Variants in RNF10 observed in about 807,000 individuals in gnomAD.
RNF10 encodes the protein E3 ubiquitin-protein ligase RNF10.
RNF10 carries 38 observed loss-of-function variants against 91.4 expected under a neutral mutation model. The observed-to-expected ratio is 0.42, with a 90% CI of 0.32 to 0.54. The LOEUF (loss-of-function observed/expected upper bound fraction) is 0.54. Among genes scored for constraint, RNF10 ranks in the 20% least tolerant of loss-of-function variants. The probability of loss-of-function intolerance (pLI) is 0.16; values close to 1 mark genes in which losing one functional copy is unlikely to be tolerated. For missense variants in RNF10, 945 were observed against 1,012.0 expected, an observed-to-expected ratio of 0.93 and a Z score of 0.90; for synonymous variants, 364 against 366.3, an observed-to-expected ratio of 0.99 and a Z score of 0.07.
chr12:120,536,428 A>C (rs1870810800), intron 1 of RNF10, among the ~76,000 whole-genome samples: 1 of 152,156 alleles, frequency 6.6e-6, no homozygotes, highest in South Asian at 2.1e-4. Context: ...CCATCTCTAA[A>C]CAGTAAAAAG....
At position 120,566,737 on chromosome 12, in the gene RNF10, G is replaced by A; in HGVS notation, c.1886-88G>A. ...AGATCGTACCACTACACTCCAGCCT[G>A]GGTGACAGAGTGAGACCCCATCTCA... On this transcript the variant is annotated intron_variant, in intron 12 of 16. Transcript: ENST00000325954. 2.4e-6 allele frequency: 3 copies of A among 1,224,512 alleles called. No individual in the cohort carries two copies. The South Asian group carries it at 3.9e-5, about 16-fold the overall frequency. 75.9% of individuals were successfully genotyped at this position (1,224,512 alleles called of 1,614,324 possible). A position where few individuals can be genotyped will look rare whatever the true frequency, so the allele number is the denominator to read the frequency against.
chr12:120,574,099 T>TG (rs906780569), intron 14 of RNF10, among the ~76,000 whole-genome samples: 3 of 152,170 alleles, frequency 2.0e-5, no homozygotes, highest in Non-Finnish European at 4.4e-5. Context: ...ACATGAGGCT[T>TG]GGGAGGGTCA....
At chr12:120,552,010 A>G (rs934698048) in intron 2 of RNF10, among the ~76,000 whole-genome samples, 6 of 148,392 alleles carry the variant, frequency 4.0e-5, no homozygotes, top group African/African-American at 1.3e-4. Context: ...GAAATGCTAC[A>G]TACTTTTTTT....
At chr12:120,556,399 C>T (rs1341934746) in intron 4 of RNF10, among the ~76,000 whole-genome samples, 1 of 150,908 alleles carries the variant, frequency 6.6e-6, no homozygotes, top group Non-Finnish European at 1.5e-5. Flanking sequence ...GGCGCAGTGG[C>T]GGGTACCTGT....
chr12:120,565,003 G>A (rs909600967), intron 10 of RNF10, 69 bp from the exon 11 acceptor site: 19 of 977,608 alleles, frequency 1.9e-5, no homozygotes, highest in South Asian at 1.2e-4. Flanking sequence ...GTTGGATATC[G>A]GGGTTAGGAC....
At chr12:120,559,853 G>A (rs1452975324) in intron 6 of RNF10, among the ~76,000 whole-genome samples, 1 of 151,336 alleles carries the variant, frequency 6.6e-6, no homozygotes, top group African/African-American at 2.4e-5. Flanking sequence ...CCGTCACCAC[G>A]CCCAGCTAAT....
chr12:120,556,953 C>T (rs1036439412), intron 4 of RNF10, among the ~76,000 whole-genome samples: 1 of 151,870 alleles, frequency 6.6e-6, no homozygotes, highest in Non-Finnish European at 1.5e-5. Context: ...GAGATCAAGA[C>T]CATCCTGGCT....
chr12:120,538,781 G>A (rs1871178564), intron 1 of RNF10, among the ~76,000 whole-genome samples: 1 of 152,152 alleles, frequency 6.6e-6, no homozygotes, highest in South Asian at 2.1e-4. Flanking sequence ...CAGGTATTAT[G>A]AGGCAGTTAT....
chr12:120,556,008 C>T (rs559584191), intron 4 of RNF10, among the ~76,000 whole-genome samples: 2 of 150,454 alleles, frequency 1.3e-5, no homozygotes, highest in East Asian at 4.1e-4. Context: ...AGGCTTGTCT[C>T]AAACTCCCAG....
chr12:120,565,095 T>C lies in RNF10; in HGVS notation c.1689T>C (p.Tyr563=), dbSNP rs1166668159. The change falls in exon 11 of 17, where the codon TAT becomes TAC. Residue 563 remains tyrosine, a synonymous_variant. Coordinates refer to ENST00000325954, the MANE Select transcript of RNF10 (RefSeq NM_014868.5). Reference sequence around the variant, plus strand: ...AGGATGTTCGACAGCGTCACAGATATCTCTCTCACTTGCCACTCACCTGTG... The same window carrying C: ...AGGATGTTCGACAGCGTCACAGATACCTCTCTCACTTGCCACTCACCTGTG... The part of the protein sequence containing the change: ...MSEDVRQRHR[Y]LSHLPLTCEF... 9 of 1,613,658 alleles carry C rather than the reference T, an allele frequency of 5.6e-6. 1 individual carries two copies. In the Admixed American group the frequency reaches 6.7e-5, roughly 12 times the overall value.
At chr12:120,563,753 G>A in intron 9 of RNF10, 57 bp from the exon 10 acceptor site, 1 of 1,601,478 alleles carries the variant, frequency 6.2e-7, no homozygotes, top group Non-Finnish European at 8.5e-7. Context: ...GGGGAGGGGT[G>A]GGGAGCCTCC....
chr12:120,537,585 A>G (rs919709590), intron 1 of RNF10, among the ~76,000 whole-genome samples: 1 of 152,054 alleles, frequency 6.6e-6, no homozygotes, highest in Non-Finnish European at 1.5e-5. Flanking sequence ...CCAAGATTGC[A>G]CCATTGCACT....
intron 2 of RNF10, among the ~76,000 whole-genome samples, chr12:120,550,232 A>G (rs1872848680): frequency 6.6e-6 from 1 of 152,170 alleles, no homozygotes; most frequent in Non-Finnish European, 1.5e-5. Flanking sequence ...TTACAGCTGT[A>G]GAACGGAAAC....
intron 12 of RNF10, among the ~76,000 whole-genome samples, chr12:120,566,047 G>T (rs1875641931): frequency 6.6e-6 from 1 of 152,190 alleles, no homozygotes; most frequent in Non-Finnish European, 1.5e-5. Flanking sequence ...GTGACCTGAG[G>T]TCCCATTATC....
intron 1 of RNF10, among the ~76,000 whole-genome samples, chr12:120,536,411 G>A (rs1428286826): frequency 6.6e-6 from 1 of 152,118 alleles, no homozygotes; most frequent in Admixed American, 6.6e-5. Flanking sequence ...CTGGGTAACA[G>A]AGACCCCCAT....
rs1593116603 is a variant in RNF10, at chr12:120,571,056, A to T, written c.2042-135A>T. 4.9e-6 allele frequency: 3 copies of T among 617,392 alleles called. No homozygotes were observed. In the Admixed American group the frequency reaches 8.8e-5, roughly 18 times the overall value. The allele number at this position is 617,392 out of a possible 1,614,324, so 38.2% of individuals were successfully genotyped here. On this transcript the variant is annotated intron_variant, in intron 13 of 16. Coordinates refer to ENST00000325954, the MANE Select transcript of RNF10 (RefSeq NM_014868.5). ...AGAACATGGAAGAGTTGAAAGTTGG[A>T]TCAATGTTTGCTTTTTTTTTTTTGA...
chr12:120,577,184 GTTTTT>G lies in RNF10; in HGVS notation c.*525_*529del, dbSNP rs567078489. 3.4e-6 allele frequency: 1 copy of G among 296,912 alleles called. No homozygotes were observed. Among genetic ancestry groups the G allele is most frequent in the Non-Finnish European group, 7.1e-6 (1 of 140,140 alleles). 18.4% of individuals were successfully genotyped at this position (296,912 alleles called of 1,614,324 possible). The stretch of plus-strand genomic sequence containing the variant: ...TTTAGGACACCCAGTTTGAATTGCA[GTTTTT>G]TTTTTTCTGACACATGGCCAGGCTG... On this transcript the variant is annotated 3_prime_UTR_variant, in exon 17 of 17. Transcript: ENST00000325954.
intron 16 of RNF10, 40 bp from the exon 17 acceptor site, chr12:120,576,550 G>A (rs1219548886): frequency 4.4e-6 from 7 of 1,605,544 alleles, no homozygotes; most frequent in East Asian, 4.5e-5. Flanking sequence ...GACAAGGGAT[G>A]GCATTTTAAG....
intron 1 of RNF10, among the ~76,000 whole-genome samples, chr12:120,540,573 A>G (rs1871403470): frequency 6.6e-6 from 1 of 152,182 alleles, no homozygotes; most frequent in African/African-American, 2.4e-5. Context: ...TGGTACCTTC[A>G]ACCTTTAGCT....
Sources: allele counts gnomAD v4.1 joint callset (sites outside exome capture counted in the v4.1 genomes callset), GRCh38; gene constraint gnomAD v4.1.1; transcripts MANE v1.5; gene names NCBI Gene and HGNC (gene_info 2026-07-23, HGNC 2026-07-21).